Variants in ABCA8 observed in about 807,000 individuals in gnomAD.
The protein encoded by ABCA8 is ABC-type organic anion transporter ABCA8.
In ABCA8, 177 loss-of-function variants were observed where a neutral mutation model predicts 192.3. The observed-to-expected ratio is 0.92, with a 90% CI of 0.81 to 1.04. The LOEUF is 1.04. ABCA8 is among the 50% of genes least tolerant of loss of function. ABCA8 has a pLI of 0.00. For missense variants in ABCA8, 1,915 were observed against 1,904.8 expected (o/e 1.01, Z -0.10); for synonymous variants, 642 against 690.2 (o/e 0.93, Z 1.09).
At chr17:68,894,819 G>A in intron 22 of ABCA8, 61 bp downstream of exon 22, 1 of 1,518,156 alleles carries the variant, frequency 6.6e-7, no homozygotes, top group Non-Finnish European at 8.9e-7. Context: ...GGAAGCCTGA[G>A]TATATTGATA....
In ABCA8 at chr17:68,921,407, A is replaced by G; in HGVS notation, c.1587T>C (p.Leu529=). ...GAGKSTLLNI[L]SGLSVPTKGS... ...CTTTGGTGGGAACAGACAACCCACT[A>G]AGAATGTTTAGCAGTGTTGACTTTC... The change falls in exon 13 of 40, where the codon CTT becomes CTC. Residue 529 remains leucine, a synonymous_variant. Coordinates refer to ENST00000586539, the MANE Select transcript of ABCA8 (RefSeq NM_001288985.2). 1.9e-6 allele frequency: 3 copies of G among 1,611,204 alleles called. No homozygotes were observed. In the African/African-American group the frequency reaches 4.0e-5, roughly 21 times the overall value.
intron 5 of ABCA8, among the ~76,000 whole-genome samples, chr17:68,935,095 T>C (rs1349334689): frequency 1.3e-5 from 2 of 150,928 alleles, no homozygotes; most frequent in East Asian, 3.9e-4. Flanking sequence ...TTTTTTTTTT[T>C]TTTTTTAGAG....
chr17:68,932,637 T>A (rs2067935799), intron 6 of ABCA8, 123 bp from the exon 7 acceptor site: 1 of 708,188 alleles, frequency 1.4e-6, no homozygotes, highest in Non-Finnish European at 2.4e-6. Flanking sequence ...AACCTAAATT[T>A]CCACTTCTAT....
chr17:68,941,900 C>G, intron 3 of ABCA8, 39 bp downstream of exon 3: 1 of 1,438,728 alleles, frequency 7.0e-7, no homozygotes, highest in Non-Finnish European at 9.7e-7. Flanking sequence ...ACGTATTTTC[C>G]TATCATAAAT....
At chr17:68,895,413 C>A (rs1339746595) in intron 21 of ABCA8, among the ~76,000 whole-genome samples, 1 of 152,066 alleles carries the variant, frequency 6.6e-6, no homozygotes, top group Non-Finnish European at 1.5e-5. Flanking sequence ...TGTAGACTAG[C>A]AATGTGAGGA....
At chr17:68,884,233 T>C (rs1490377283) in intron 28 of ABCA8, 98 bp downstream of exon 28, 3 of 1,116,768 alleles carry the variant, frequency 2.7e-6, no homozygotes, top group Non-Finnish European at 3.6e-6. Context: ...GATACCTGTA[T>C]CTCTAACTTA....
In ABCA8 at chr17:68,940,798, T is replaced by G; in HGVS notation, c.261A>C (p.Gln87His). The G allele has an allele frequency of 6.2e-7, 1 of 1,613,566 alleles. No homozygotes were observed. The highest frequency in any genetic ancestry group is 8.5e-7 in the Non-Finnish European group (1 of 1,179,568). ...VVYTPVTNTT[Q>H]QIMNKVASTP... Reference sequence around the variant, plus strand: ...TAGAGGCTACTTTATTCATTATCTGTTGGGTCGTGTTGGTGACAGGTGTGT... The same window carrying G: ...TAGAGGCTACTTTATTCATTATCTGGTGGGTCGTGTTGGTGACAGGTGTGT... Residue 87 changes from glutamine to histidine, a missense_variant, in exon 4 of 40, where the codon CAA (glutamine) becomes CAC (histidine). Physicochemically the swap from Gln to His is conservative, Grantham distance 24. Coordinates refer to ENST00000586539, the MANE Select transcript of ABCA8 (RefSeq NM_001288985.2).
chr17:68,918,492 G>C lies in ABCA8; in HGVS notation c.1843C>G (p.Gln615Glu), dbSNP rs1331460585. 1 of 1,540,548 alleles carries C rather than the reference G, an allele frequency of 6.5e-7. No homozygotes were observed. Among genetic ancestry groups the C allele is most frequent in the East Asian group, 2.4e-5 (1 of 42,154 alleles). ...CTTTTCTGTCCACCACTTAAGTTTT[G>C]AGCAAGAACATCCTGAATATTTTTC... is the stretch of plus-strand genomic sequence containing the variant. ...EMKNIQDVLAQNLSGGQKRKL... is the reference protein window; with the variant it reads ...EMKNIQDVLAENLSGGQKRKL... Residue 615 changes from glutamine (Q) to glutamate (E), a missense_variant, in exon 15 of 40, where the codon CAA becomes GAA. Gln to Glu is a conservative substitution (Grantham distance 29, BLOSUM62 2). Transcript: ENST00000586539.
rs191262762 is a variant in ABCA8, at chr17:68,885,529, T to C, written c.3430-214A>G. Among the ~76,000 whole-genome samples the C allele has an allele frequency of 4.3e-3, 653 of 152,158 alleles. 6 individuals carry two copies. The highest frequency in any genetic ancestry group is 0.015 in the African/African-American group (606 of 41,526). On this transcript the variant is annotated intron_variant, in intron 26 of 39. Transcript: ENST00000586539. Reference sequence around the variant, plus strand: ...GAGGTATCACTTGATAAATCTAGGATGTGATATGCAGAATTTTTTTCTCTC... The same window carrying C: ...GAGGTATCACTTGATAAATCTAGGACGTGATATGCAGAATTTTTTTCTCTC...
At chr17:68,913,078 G>C (rs1198910840) in intron 17 of ABCA8, among the ~76,000 whole-genome samples, 1 of 151,718 alleles carries the variant, frequency 6.6e-6, no homozygotes, top group African/African-American at 2.4e-5. Flanking sequence ...AATAAAACTA[G>C]AAATCAATAC....
Position 68,949,389 on chromosome 17 carries a change from T to C in ABCA8, c.-83A>G, listed in dbSNP as rs1351788179. 7 of 152,206 alleles carry C rather than the reference T, an allele frequency of 4.6e-5. No homozygotes were observed. Among genetic ancestry groups the C allele is most frequent in the African/African-American group, 1.7e-4 (7 of 41,434 alleles). The allele number at this position is 152,206 out of a possible 1,614,324, so 9.4% of individuals were successfully genotyped here. A position where few individuals can be genotyped will look rare whatever the true frequency, so the allele number is the denominator to read the frequency against. On this transcript the variant is annotated 5_prime_UTR_variant, in exon 2 of 40. Coordinates refer to ENST00000586539, the MANE Select transcript of ABCA8 (RefSeq NM_001288985.2). ...GTACAAGAGGAGCTGGTAGCATTCC[T>C]TCTGAAACAATTCCAAACAGTCGAA...
rs563431832 is a variant in ABCA8 at position 68,927,662 on chromosome 17, T to A, written c.1273+254A>T. 4.0e-5 allele frequency among the ~76,000 whole-genome samples: 6 copies of A among 151,442 alleles called. No individual in the cohort carries two copies. In the East Asian group the frequency reaches 7.8e-4, roughly 20 times the overall value. Reference sequence around the variant, plus strand: ...TTTCTAAGAGGTCTAAAAAAAAAAATACCATATACTTAAAGTGAAGTTCAA... The same window carrying A: ...TTTCTAAGAGGTCTAAAAAAAAAAAAACCATATACTTAAAGTGAAGTTCAA... On this transcript the variant is annotated intron_variant, in intron 10 of 39. Coordinates refer to ENST00000586539, the MANE Select transcript of ABCA8 (RefSeq NM_001288985.2).
At chr17:68,893,721 CTT>C (rs5821690) in intron 23 of ABCA8, among the ~76,000 whole-genome samples, 3 of 127,688 alleles carry the variant, frequency 2.3e-5, no homozygotes, top group South Asian at 2.7e-4. Context: ...TTCATATTCT[CTT>C]TTTTTTTTTT....
intron 7 of ABCA8, chr17:68,931,785 T>TC (rs1567873332): frequency 7.1e-6 from 1 of 141,246 alleles, no homozygotes; most frequent in Admixed American, 6.9e-5. Context: ...TTTTTTTTTT[T>TC]TGTCCATCAC....
chr17:68,912,290 G>A (rs56285038), intron 17 of ABCA8, among the ~76,000 whole-genome samples: 21,218 of 151,918 alleles, frequency 0.14, 3,574 homozygotes, highest in African/African-American at 0.4. Flanking sequence ...AAAATCAAGC[G>A]GAAATTCTGG....
chr17:68,887,522 CA>C lies in ABCA8; in HGVS notation c.3145-17del. ...GAGCTCTGTTCTAATTAGGAGACAG[CA>C]AAGATACAAAGTTTGTGGCTTAAGA... On this transcript the variant is annotated splice_polypyrimidine_tract_variant and intron_variant, in intron 24 of 39. Transcript: ENST00000586539. 1.9e-6 allele frequency: 3 copies of C among 1,570,764 alleles called. No individual in the cohort carries two copies. The highest frequency in any genetic ancestry group is 2.6e-6 in the Non-Finnish European group (3 of 1,161,716).
intron 10 of ABCA8, among the ~76,000 whole-genome samples, chr17:68,926,852 A>C (rs6501873): frequency 0.62 from 93,516 of 151,994 alleles, 29,297 homozygotes; most frequent in African/African-American, 0.71. Context: ...TCCCTTTCCA[A>C]AAGTGTGTAT....
chr17:68,936,772 C>A (rs2068078775), intron 5 of ABCA8, among the ~76,000 whole-genome samples, 179 bp downstream of exon 5: 1 of 151,772 alleles, frequency 6.6e-6, no homozygotes, highest in Non-Finnish European at 1.5e-5. Flanking sequence ...TATATAATGA[C>A]CACTTATCGA....
intron 2 of ABCA8, among the ~76,000 whole-genome samples, chr17:68,946,855 CG>C (rs1225902996): frequency 6.6e-6 from 1 of 152,016 alleles, no homozygotes; most frequent in Non-Finnish European, 1.5e-5. Flanking sequence ...GCAGGGGAAT[CG>C]CTTGAACCCA....
Sources: gnomAD v4.1 joint callset for allele counts (sites outside exome capture counted in the v4.1 genomes callset) on GRCh38, gnomAD v4.1.1 for gene constraint, MANE v1.5 for transcripts, NCBI Gene and HGNC (gene_info 2026-07-23, HGNC 2026-07-21) for gene names.